The following ZGRF1 variants were observed in gnomAD, a reference collection of about 807,000 sequenced individuals.
ZGRF1 encodes the protein zinc finger GRF-type containing 1, also known as 5'-3' DNA helicase ZGRF1.
ZGRF1 carries 196 observed loss-of-function variants against 203.5 expected under a neutral mutation model. The observed-to-expected ratio is 0.96, with a 90% confidence interval of 0.86 to 1.08. ZGRF1 has a LOEUF of 1.08. Among genes scored for constraint, ZGRF1 ranks in the 50% least tolerant of loss-of-function variants. The pLI is 0.00. For missense variants in ZGRF1, 2,326 were observed against 2,416.3 expected (o/e 0.96, Z 0.78); for synonymous variants, 809 against 841.3 (o/e 0.96, Z 0.66).
chr4:112,620,137 C>T lies in ZGRF1; in HGVS notation c.216G>A (p.Glu72=), dbSNP rs779493055. The change falls in exon 5 of 28, where the codon GAG becomes GAA. Residue 72 remains glutamate (E), a synonymous_variant. Transcript: ENST00000505019. ...TACCTATGGCTCCAGCAACTTTAAC[C>T]TCTTCAACTGTGATTAAGTATCGAT... ...ESDRYLITVE[E]VKVAGAIGIV... 1.9e-6 allele frequency: 3 copies of T among 1,612,784 alleles called. No homozygotes were observed. The highest frequency in any genetic ancestry group is 1.1e-5 in the South Asian group (1 of 90,768).
chr4:112,603,396 GCTT>G (rs1419090890), intron 10 of ZGRF1, 125 bp downstream of exon 10: 1 of 552,002 alleles, frequency 1.8e-6, no homozygotes, highest in Admixed American at 3.3e-5. Context: ...GAGATATTAT[GCTT>G]CTTGTCAATT....
At chr4:112,566,616 G>A (rs1743141261) in intron 16 of ZGRF1, among the ~76,000 whole-genome samples, 1 of 151,900 alleles carries the variant, frequency 6.6e-6, no homozygotes, top group Admixed American at 6.6e-5. Context: ...AAAGATATAG[G>A]GGATTCCTGA....
In ZGRF1 at chr4:112,618,873, G is replaced by C. The variant is rs1180810881; in HGVS notation, c.1169C>G (p.Ser390Ter). ...CCAGGATGGATCATTATTACCGACT[G>C]ACTGGTCTACATTATACTTTTTCCT... ...EERKKYNVDQ[S>*]VGNNDPSWNQ... Residue 390 changes from serine (S) to a stop codon, truncating the protein, a stop_gained, in exon 6 of 28, where the codon TCA becomes TGA. Coordinates refer to ENST00000505019, the MANE Select transcript of ZGRF1 (RefSeq NM_018392.5). LOFTEE classifies it high-confidence loss of function. 2 of 1,613,484 alleles carry C rather than the reference G, an allele frequency of 1.2e-6. No homozygotes were observed. Among genetic ancestry groups the C allele is most frequent in the South Asian group, 1.1e-5 (1 of 91,038 alleles).
chr4:112,617,431 A>T lies in ZGRF1; in HGVS notation c.2602+9T>A. 6.6e-7 allele frequency: 1 copy of T among 1,520,000 alleles called. No homozygotes were observed. Among genetic ancestry groups the T allele is most frequent in the Non-Finnish European group, 8.8e-7 (1 of 1,137,170 alleles). 94.2% of individuals were successfully genotyped at this position (1,520,000 alleles called of 1,614,324 possible). A position where few individuals can be genotyped will look rare whatever the true frequency, so the allele number is the denominator to read the frequency against. On this transcript the variant is annotated intron_variant, in intron 6 of 27. Coordinates refer to ENST00000505019, the MANE Select transcript of ZGRF1 (RefSeq NM_018392.5). ...AGAAAACATTCCAAAATAGACATGCAATTCTAACCTTCAGGAGGGCTATCT... is the reference window on the plus strand; with the variant it reads ...AGAAAACATTCCAAAATAGACATGCTATTCTAACCTTCAGGAGGGCTATCT...
Position 112,617,767 on chromosome 4 carries a change from G to C in ZGRF1, c.2275C>G (p.His759Asp). The C allele has an allele frequency of 6.2e-7, 1 of 1,614,028 alleles. No individual in the cohort carries two copies. Among genetic ancestry groups the C allele is most frequent in the Non-Finnish European group, 8.5e-7 (1 of 1,179,928 alleles). ...ECIALDKSNT[H>D]ISNSLFYPLG... is the part of the protein sequence containing the mutation. ...GGGTAAAACAAAGAATTGGAAATGT[G>C]GGTATTTGATTTATCAAGTGCAATA... Residue 759 changes from histidine to aspartate, a missense_variant, in exon 6 of 28, where the codon CAC becomes GAC. His to Asp is a moderately conservative substitution (Grantham distance 81, BLOSUM62 -1). Coordinates refer to ENST00000505019, the MANE Select transcript of ZGRF1 (RefSeq NM_018392.5).
rs969772596 is a variant in ZGRF1 at position 112,617,519 on chromosome 4, G to A, written c.2523C>T (p.Ser841=). 1 of 1,602,552 alleles carries A rather than the reference G, an allele frequency of 6.2e-7. No homozygotes were observed. The highest frequency in any genetic ancestry group is 8.5e-7 in the Non-Finnish European group (1 of 1,176,840). Residue 841 remains serine (S), a synonymous_variant, in exon 6 of 28, where the codon AGC becomes AGT. Transcript: ENST00000505019. Reference sequence around the variant, plus strand: ...TATTTTTCTTTTTCAATATTTCCAAGCTGTCTAAAGCAGTACTGTGTTCAC... The same window carrying A: ...TATTTTTCTTTTTCAATATTTCCAAACTGTCTAAAGCAGTACTGTGTTCAC... ...SLCEHSTALD[S]LEILKKKNTV...
At chr4:112,626,019 TATA>T (rs2047228836) in intron 3 of ZGRF1, among the ~76,000 whole-genome samples, 1 of 152,194 alleles carries the variant, frequency 6.6e-6, no homozygotes, top group Non-Finnish European at 1.5e-5. Flanking sequence ...CTACTTATTA[TATA>T]ATTTCATTGA....
chr4:112,568,760 A>C (rs908758720), intron 16 of ZGRF1, among the ~76,000 whole-genome samples: 5 of 150,972 alleles, frequency 3.3e-5, no homozygotes, highest in African/African-American at 1.2e-4. Flanking sequence ...TCACGCCTGT[A>C]ATCCCAGCAC....
intron 16 of ZGRF1, among the ~76,000 whole-genome samples, chr4:112,576,038 A>G (rs1409846485): frequency 6.6e-6 from 1 of 152,228 alleles, no homozygotes; most frequent in Non-Finnish European, 1.5e-5. Flanking sequence ...CAGTAGGGGC[A>G]GACTGACAAC....
chr4:112,561,199 A>T, intron 18 of ZGRF1: 1 of 540,026 alleles, frequency 1.9e-6, no homozygotes, highest in South Asian at 2.4e-5. Flanking sequence ...TTTGTTGAAT[A>T]CTTACTACAT....
intron 17 of ZGRF1, 48 bp from the exon 18 acceptor site, chr4:112,562,533 C>T (rs1171796107): frequency 8.8e-7 from 1 of 1,136,214 alleles, no homozygotes; most frequent in Non-Finnish European, 1.3e-6. Context: ...ATAAAATGGA[C>T]CATAAAAACT....
chr4:112,632,098 T>C, intron 2 of ZGRF1, 88 bp from the exon 3 acceptor site: 2 of 549,364 alleles, frequency 3.6e-6, no homozygotes, highest in East Asian at 7.0e-5. Context: ...ATACAAAATA[T>C]ATTTAAGGCA....
intron 6 of ZGRF1, among the ~76,000 whole-genome samples, chr4:112,613,265 G>A (rs939739762): frequency 2.0e-5 from 3 of 152,266 alleles, no homozygotes; most frequent in Middle Eastern, 3.4e-3. Context: ...CTGCACTCCA[G>A]CCTGGGTGAG....
At chr4:112,544,134 C>A (rs550454410) in intron 24 of ZGRF1, among the ~76,000 whole-genome samples, 4 of 152,092 alleles carry the variant, frequency 2.6e-5, no homozygotes, top group African/African-American at 7.2e-5. Context: ...CAGCTCAAGA[C>A]AACTGAAAGC....
At chr4:112,599,122 T>C (rs1749519688) in intron 10 of ZGRF1, among the ~76,000 whole-genome samples, 1 of 152,108 alleles carries the variant, frequency 6.6e-6, no homozygotes, top group Non-Finnish European at 1.5e-5. Flanking sequence ...TTTCTTAGTA[T>C]GTAAAGAGCG....
At chr4:112,551,088 C>A (rs938513042) in intron 22 of ZGRF1, among the ~76,000 whole-genome samples, 1 of 152,164 alleles carries the variant, frequency 6.6e-6, no homozygotes, top group Non-Finnish European at 1.5e-5. Flanking sequence ...TCCCTCCCTC[C>A]CTATACAGGT....
At chr4:112,600,041 ATG>A (rs1287007112) in intron 10 of ZGRF1, among the ~76,000 whole-genome samples, 4 of 151,094 alleles carry the variant, frequency 2.6e-5, no homozygotes, top group African/African-American at 9.9e-5. Flanking sequence ...TCTTGAGGTA[ATG>A]TTTTTTTTTC....
At chr4:112,587,071 G>C (rs923372076) in intron 12 of ZGRF1, among the ~76,000 whole-genome samples, 1 of 152,164 alleles carries the variant, frequency 6.6e-6, no homozygotes, top group Non-Finnish European at 1.5e-5. Flanking sequence ...CACTGCACCA[G>C]ATACTTTCAA....
chr4:112,542,458 G>C (rs572717874), intron 24 of ZGRF1, among the ~76,000 whole-genome samples: 1 of 152,162 alleles, frequency 6.6e-6, no homozygotes, highest in Admixed American at 6.5e-5. Flanking sequence ...TATATTTACG[G>C]TATGGTTTCA....
Sources: allele counts gnomAD v4.1 joint callset (sites outside exome capture counted in the v4.1 genomes callset), GRCh38; gene constraint gnomAD v4.1.1; transcripts MANE v1.5; gene names NCBI Gene and HGNC (gene_info 2026-07-23, HGNC 2026-07-21).